IFT46: variants seen among roughly 807,000 people sequenced by gnomAD.
IFT46 encodes the protein intraflagellar transport protein 46 homolog.
A neutral mutation model predicts 39.6 loss-of-function variants in IFT46; 19 were observed. The ratio of observed to expected loss-of-function variants is 0.48; its 90% confidence interval spans 0.33 to 0.70. The LOEUF (loss-of-function observed/expected upper bound fraction) is 0.70. Among genes scored for constraint, IFT46 ranks in the 30% least tolerant of loss-of-function variants. IFT46 has a pLI of 0.01. For missense variants in IFT46, 334 were observed against 364.8 expected (o/e 0.92, Z 0.69); for synonymous variants, 117 against 134.8 (o/e 0.87, Z 0.91).
intron 8 of IFT46, 114 bp from the exon 9 acceptor site, chr11:118,551,966 G>C (rs1937656173): frequency 5.2e-6 from 6 of 1,156,104 alleles, no homozygotes; most frequent in South Asian, 1.3e-5. Context: ...CATCAGGAAG[G>C]CTTCAGGAGA....
upstream of IFT46, chr11:118,566,064 G>C (rs557457585): frequency 6.6e-6 from 1 of 152,220 alleles, no homozygotes; most frequent in Non-Finnish European, 1.5e-5. Flanking sequence ...CGGCCAAGTC[G>C]CCTGTTTGTC....
rs782643461 is a variant in IFT46, at chr11:118,544,938, A to G, written c.893T>C (p.Met298Thr). 1.2e-6 allele frequency: 2 copies of G among 1,613,402 alleles called. No homozygotes were observed. The highest frequency in any genetic ancestry group is 1.7e-5 in the Admixed American group (1 of 59,970). The change falls in exon 12 of 12, where the codon ATG becomes ACG. Residue 298 changes from methionine (M) to threonine (T), a missense_variant. By Grantham distance (81) the Met-to-Thr change is moderately conservative. Coordinates refer to ENST00000264021, the MANE Select transcript of IFT46 (RefSeq NM_001168618.2). ...GTCTCAGCTGAAGGTTAATGTCTCC[A>G]TGTCTCCAGCTTGGGAGGTGGAATT... ...SSNSTSQAGD[M>T]ETLTFS is the part of the protein sequence containing the mutation.
upstream of IFT46, among the ~76,000 whole-genome samples, chr11:118,575,411 G>GGTGTGTGTGTGTGTGTGT (rs56934953): frequency 1.6e-3 from 241 of 149,184 alleles, 2 homozygotes; most frequent in African/African-American, 5.6e-3. Context: ...ACTGATAACG[G>GGTGTGTGTGTGTGTGTGT]GTGTGTGTGT....
intron 1 of IFT46, chr11:118,572,348 G>GCCCCCCCCCC (rs375845726): frequency 2.1e-5 from 2 of 97,240 alleles, no homozygotes; most frequent in South Asian, 1.5e-4. Flanking sequence ...CACAGGCCCC[G>GCCCCCCCCCC]CCCCCCCCCC....
chr11:118,561,022 GT>G (rs1340653193), intron 2 of IFT46: 1 of 1,505,180 alleles, frequency 6.6e-7, no homozygotes, highest in Admixed American at 1.7e-5. Flanking sequence ...TTCCCAATAG[GT>G]TTGGCATGGA....
At chr11:118,562,332 G>A (rs376330137) in intron 2 of IFT46, among the ~76,000 whole-genome samples, 5 of 151,940 alleles carry the variant, frequency 3.3e-5, no homozygotes, top group Non-Finnish European at 5.9e-5. Flanking sequence ...CCCAGCTACC[G>A]GGGGTTCTGA....
At position 118,549,955 on chromosome 11, in the gene IFT46, G is replaced by A. The variant is rs188279322; in HGVS notation, c.672+1831C>T. On this transcript the variant is annotated intron_variant, in intron 9 of 11. Coordinates refer to ENST00000264021, the MANE Select transcript of IFT46 (RefSeq NM_001168618.2). ...TTTTTTTTTTTTGAGATGGAGTCTCGCTCTATTACCCAGGCTGGAGTGTAG... is the reference window on the plus strand; with the variant it reads ...TTTTTTTTTTTTGAGATGGAGTCTCACTCTATTACCCAGGCTGGAGTGTAG... Among the ~76,000 whole-genome samples, 29 of 141,536 alleles carry A rather than the reference G, an allele frequency of 2.0e-4. No individual in the cohort carries two copies. The East Asian group carries it at 3.1e-3, about 15-fold the overall frequency. 92.9% of individuals were successfully genotyped at this position (141,536 alleles called of 152,430 possible).
At chr11:118,566,314 A>G (rs559768812), upstream of IFT46, among the ~76,000 whole-genome samples, 4 of 152,224 alleles carry the variant, frequency 2.6e-5, no homozygotes, top group Admixed American at 2.6e-4. Context: ...ACTATATTAC[A>G]CTATAGTCTT....
chr11:118,572,419 G>A lies in IFT46; in HGVS notation c.-133+177C>T, dbSNP rs554373444. On this transcript the variant is annotated intron_variant, in intron 1 of 5. Coordinates refer to the IFT46 transcript ENST00000528378. ...TGGCTTGGGGCCGCCATCTTGGCAA[G>A]AGGCGAAGCGGCAGCGGTTCCTGTC... 113 of 830,544 alleles carry A rather than the reference G, an allele frequency of 1.4e-4. 3 individuals are homozygous for A. In the South Asian group the frequency reaches 2.6e-3, roughly 19 times the overall value. 51.4% of individuals were successfully genotyped at this position (830,544 alleles called of 1,614,324 possible). A position where few individuals can be genotyped will look rare whatever the true frequency, so the allele number is the denominator to read the frequency against.
At chr11:118,569,810 G>A (rs1168392543), upstream of IFT46, among the ~76,000 whole-genome samples, 5 of 152,174 alleles carry the variant, frequency 3.3e-5, no homozygotes, top group Non-Finnish European at 7.3e-5. Flanking sequence ...TGCTGTAAGT[G>A]TTCAATAAAT....
At chr11:118,545,337 A>C in intron 11 of IFT46, 72 bp downstream of exon 11, 1 of 1,125,578 alleles carries the variant, frequency 8.9e-7, no homozygotes, top group Non-Finnish European at 1.3e-6. Flanking sequence ...ATGCAATCAC[A>C]GCAGGCTCAG....
upstream of IFT46, among the ~76,000 whole-genome samples, chr11:118,567,128 C>A (rs1204391526): frequency 6.6e-6 from 1 of 151,930 alleles, no homozygotes; most frequent in Non-Finnish European, 1.5e-5. Context: ...GTGGCACGCA[C>A]CTATAGTGCT....
intron 3 of IFT46, among the ~76,000 whole-genome samples, chr11:118,558,912 C>CA (rs782109391): frequency 0.033 from 3,480 of 106,862 alleles, 116 homozygotes; most frequent in African/African-American, 0.11. Flanking sequence ...GACTCTGTCT[C>CA]AAAAAAAAAA....
intron 9 of IFT46, chr11:118,546,772 G>C (rs1163133827): frequency 1.3e-5 from 2 of 152,758 alleles, no homozygotes; most frequent in Non-Finnish European, 2.9e-5. Context: ...TTATGGGCAA[G>C]TATTAACAGT....
At position 118,552,237 on chromosome 11, in the gene IFT46, G is replaced by A. The variant is rs782777097; in HGVS notation, c.582C>T (p.Pro194=). ...ESISELHRSK[P]PATVHYTRPM... is the part of the protein sequence containing the mutation. ...ACCTGGTGTAGTGCACAGTCGCAGG[G>A]GGCTTAGAACGGTGTAATTCAGAGA... Residue 194 remains proline, a synonymous_variant, in exon 8 of 12, where the codon CCC becomes CCT. Coordinates refer to ENST00000264021, the MANE Select transcript of IFT46 (RefSeq NM_001168618.2). The A allele has an allele frequency of 1.2e-6, 2 of 1,614,132 alleles. No homozygotes were observed. The highest frequency in any genetic ancestry group is 1.7e-6 in the Non-Finnish European group (2 of 1,180,038).
intron 2 of IFT46, chr11:118,561,122 T>G: frequency 1.3e-6 from 2 of 1,486,280 alleles, no homozygotes; most frequent in Admixed American, 1.7e-5. Flanking sequence ...TACCTGCTAT[T>G]TGGATACAGG....
At chr11:118,547,895 C>T (rs1397002386) in intron 9 of IFT46, among the ~76,000 whole-genome samples, 6 of 151,214 alleles carry the variant, frequency 4.0e-5, no homozygotes, top group East Asian at 3.9e-4. Flanking sequence ...TATAGGCGCC[C>T]GCCACAGCGC....
At chr11:118,561,418 T>A (rs1207701983) in intron 2 of IFT46, 8 of 816,518 alleles carry the variant, frequency 9.8e-6, no homozygotes, top group Non-Finnish European at 1.7e-5. Context: ...AGAAAGCTCA[T>A]GCTGCTATAT....
chr11:118,576,172 G>C (rs1450876896), upstream of IFT46, among the ~76,000 whole-genome samples: 1 of 151,946 alleles, frequency 6.6e-6, no homozygotes, highest in Non-Finnish European at 1.5e-5. Flanking sequence ...TTTTTTACTT[G>C]AGGCACTTAA....
Sources: allele counts gnomAD v4.1 joint callset (sites outside exome capture counted in the v4.1 genomes callset), GRCh38; gene constraint gnomAD v4.1.1; transcripts MANE v1.5; gene names NCBI Gene and HGNC (gene_info 2026-07-23, HGNC 2026-07-21).